The following GPM6A variants were observed in gnomAD, a reference collection of about 807,000 sequenced individuals.
The protein encoded by GPM6A is neuronal membrane glycoprotein M6-a.
GPM6A carries 7 observed loss-of-function variants against 32.1 expected under a neutral mutation model. The observed-to-expected ratio is 0.22, with a 90% CI of 0.12 to 0.41. GPM6A has a LOEUF of 0.41. Among genes scored for constraint, GPM6A ranks in the 10% least tolerant of loss-of-function variants. GPM6A has a pLI of 1.00. For synonymous variants in GPM6A, 130 were observed against 123.4 expected (o/e 1.05, Z -0.35); for missense variants, 235 against 347.2 (o/e 0.68, Z 2.57).
At chr4:175,767,344 G>C (rs1733012939) in intron 1 of GPM6A, among the ~76,000 whole-genome samples, 1 of 152,138 alleles carries the variant, frequency 6.6e-6, no homozygotes, top group South Asian at 2.1e-4. Flanking sequence ...ACTCCTGTGG[G>C]GGACAGGAAG....
intron 1 of GPM6A, among the ~76,000 whole-genome samples, chr4:175,914,569 C>T (rs1235299669): frequency 6.6e-6 from 1 of 152,156 alleles, no homozygotes; most frequent in Non-Finnish European, 1.5e-5. Flanking sequence ...GTGATCTGCC[C>T]GCCTTGGCCT....
intron 6 of GPM6A, among the ~76,000 whole-genome samples, chr4:175,639,079 A>G (rs927194787): frequency 3.3e-5 from 5 of 152,184 alleles, no homozygotes; most frequent in Non-Finnish European, 5.9e-5. Context: ...TGTATCAAAA[A>G]TGTTGAGCAA....
intron 4 of GPM6A, chr4:175,641,676 GT>G (rs1245670722): frequency 6.6e-6 from 1 of 152,032 alleles, no homozygotes; most frequent in African/African-American, 2.4e-5. Flanking sequence ...TGTTATTGTT[GT>G]TTTATTTTCA....
intron 1 of GPM6A, among the ~76,000 whole-genome samples, chr4:175,923,226 T>C (rs1277483451): frequency 2.8e-4 from 4 of 14,494 alleles, no homozygotes; most frequent in African/African-American, 3.5e-4. Context: ...TATATATATA[T>C]ATATATATAT....
At chr4:175,717,422 C>A (rs1267368923) in intron 1 of GPM6A, among the ~76,000 whole-genome samples, 1 of 152,092 alleles carries the variant, frequency 6.6e-6, no homozygotes, top group African/African-American at 2.4e-5. Context: ...ATAATTTAAT[C>A]ATAGAAGCTT....
chr4:175,736,604 G>T (rs79516369), intron 1 of GPM6A, among the ~76,000 whole-genome samples: 6,679 of 152,134 alleles, frequency 0.044, 190 homozygotes, highest in Non-Finnish European at 0.063. Flanking sequence ...TCTCAAAATA[G>T]CTAAATTTAC....
Position 175,926,093 on chromosome 4 carries a change from C to T in GPM6A, c.-23+76216G>A, listed in dbSNP as rs539409157. ...TCTCAAACTCCTGACTTCAAATGAT[C>T]TGCCCGCCTTGGCCTCCCAAAGTGT... is the stretch of plus-strand genomic sequence containing the variant. On this transcript the variant is annotated intron_variant, in intron 1 of 7. Transcript: ENST00000280187. Among the ~76,000 whole-genome samples the T allele has an allele frequency of 2.0e-5, 3 of 152,290 alleles. 1 individual carries two copies. Among genetic ancestry groups the T allele is most frequent in the African/African-American group, 7.2e-5 (3 of 41,548 alleles).
At chr4:175,815,909 G>C (rs1222008303), upstream of GPM6A, among the ~76,000 whole-genome samples, 1 of 151,948 alleles carries the variant, frequency 6.6e-6, no homozygotes, top group East Asian at 1.9e-4. Flanking sequence ...CAGAGACGGG[G>C]TTTCTCCATG....
At chr4:175,872,579 A>T (rs1438992284) in intron 1 of GPM6A, 1 of 152,262 alleles carries the variant, frequency 6.6e-6, no homozygotes, top group Non-Finnish European at 1.5e-5. Flanking sequence ...TAGAAGAAAC[A>T]TTATAAATTC....
At chr4:175,815,615 C>T (rs1735073339), upstream of GPM6A, among the ~76,000 whole-genome samples, 1 of 151,918 alleles carries the variant, frequency 6.6e-6, no homozygotes, top group Non-Finnish European at 1.5e-5. Context: ...GGCAGTGGCT[C>T]ATGCCTGTAA....
In GPM6A at chr4:175,918,908, A is replaced by G. The variant is rs190097564; in HGVS notation, c.-23+83401T>C. Reference sequence around the variant, plus strand: ...CTGCTTATATCCTTTACTTTTTATGAGCTACTGGTTTTTGTCTTATTATCT... The same window carrying G: ...CTGCTTATATCCTTTACTTTTTATGGGCTACTGGTTTTTGTCTTATTATCT... On this transcript the variant is annotated intron_variant, in intron 1 of 7. Coordinates refer to the GPM6A transcript ENST00000280187. Among the ~76,000 whole-genome samples the G allele has an allele frequency of 3.5e-3, 534 of 152,014 alleles. 6 individuals carry two copies. The highest frequency in any genetic ancestry group is 0.012 in the African/African-American group (517 of 41,510).
intron 1 of GPM6A, chr4:175,807,666 A>G (rs1734747996): frequency 6.6e-6 from 1 of 152,182 alleles, no homozygotes; most frequent in South Asian, 2.1e-4. Flanking sequence ...CCCTTGAAAA[A>G]GTTTTCATAT....
At chr4:175,644,315 GC>G (rs1489592004) in intron 4 of GPM6A, among the ~76,000 whole-genome samples, 1 of 151,750 alleles carries the variant, frequency 6.6e-6, no homozygotes, top group Admixed American at 6.6e-5. Flanking sequence ...TCTGCCTTAT[GC>G]CCCTCAGTTG....
chr4:175,743,954 T>C (rs902294365), intron 1 of GPM6A, among the ~76,000 whole-genome samples: 36 of 123,196 alleles, frequency 2.9e-4, no homozygotes, highest in African/African-American at 1.0e-3. Flanking sequence ...CAATATCTAA[T>C]AGGACAAAAA....
intron 1 of GPM6A, among the ~76,000 whole-genome samples, chr4:175,930,726 C>T (rs993746822): frequency 2.0e-5 from 3 of 152,006 alleles, no homozygotes; most frequent in Non-Finnish European, 4.4e-5. Flanking sequence ...AATGAGCATT[C>T]CTTTCTTCCC....
chr4:175,922,434 C>T (rs1560995181), intron 1 of GPM6A, among the ~76,000 whole-genome samples: 3 of 152,040 alleles, frequency 2.0e-5, no homozygotes, highest in Admixed American at 1.3e-4. Flanking sequence ...ATCTCAGAGC[C>T]CTCAAAGATC....
At chr4:176,001,061 C>CA (rs1366242605) in intron 1 of GPM6A, among the ~76,000 whole-genome samples, 9 of 152,134 alleles carry the variant, frequency 5.9e-5, no homozygotes, top group African/African-American at 2.2e-4. Context: ...CATTCATAGG[C>CA]AAAAATGTCC....
intron 1 of GPM6A, among the ~76,000 whole-genome samples, chr4:175,744,310 T>A (rs1732008378): frequency 6.6e-6 from 1 of 152,006 alleles, no homozygotes; most frequent in Admixed American, 6.6e-5. Flanking sequence ...TTGAATTAAA[T>A]AATAATAAAA....
chr4:175,898,873 G>A (rs1308638486), intron 1 of GPM6A, among the ~76,000 whole-genome samples: 1 of 152,100 alleles, frequency 6.6e-6, no homozygotes, highest in Admixed American at 6.5e-5. Flanking sequence ...AGGTCACAAG[G>A]ATTCGATTAC....
Sources: gnomAD v4.1 joint callset for allele counts (sites outside exome capture counted in the v4.1 genomes callset) on GRCh38, gnomAD v4.1.1 for gene constraint, MANE v1.5 for transcripts, NCBI Gene and HGNC (gene_info 2026-07-23, HGNC 2026-07-21) for gene names.